ACSS3: variants seen among roughly 807,000 people sequenced by gnomAD.
ACSS3 encodes acyl-CoA synthetase short chain family member 3.
A neutral mutation model predicts 84.2 loss-of-function variants in ACSS3; 64 were observed. The ratio of observed to expected loss-of-function variants is 0.76; its 90% confidence interval spans 0.62 to 0.94. The LOEUF is 0.94. Ranked by LOEUF, ACSS3 falls within the 40% of genes least tolerant of loss-of-function variation. ACSS3 has a pLI of 0.00. For missense variants in ACSS3, 815 were observed against 867.6 expected (o/e 0.94, Z 0.76); for synonymous variants, 317 against 310.1 (o/e 1.02, Z -0.23).
chr12:81,168,083 A>G (rs1368778767), intron 7 of ACSS3, among the ~76,000 whole-genome samples: 1 of 152,208 alleles, frequency 6.6e-6, no homozygotes, highest in Non-Finnish European at 1.5e-5. Context: ...GAGTGGGGAA[A>G]GAAGACAGGT....
intron 1 of ACSS3, among the ~76,000 whole-genome samples, chr12:81,095,147 C>G (rs56402235): frequency 6.6e-6 from 1 of 152,132 alleles, no homozygotes; most frequent in East Asian, 1.9e-4. Flanking sequence ...TGGGGGCATT[C>G]TGGATTGTAG....
At chr12:81,237,769 GC>G (rs1450800564) in intron 13 of ACSS3, among the ~76,000 whole-genome samples, 1 of 151,648 alleles carries the variant, frequency 6.6e-6, no homozygotes, top group African/African-American at 2.4e-5. Flanking sequence ...CAGGTTGTTT[GC>G]AAACAAATAC....
intron 11 of ACSS3, among the ~76,000 whole-genome samples, chr12:81,229,155 TCCAATA>T (rs1158077617): frequency 1.3e-5 from 2 of 151,768 alleles, no homozygotes; most frequent in Non-Finnish European, 2.9e-5. Flanking sequence ...AGCAATAATT[TCCAATA>T]CCAATGTATA....
intron 2 of ACSS3, among the ~76,000 whole-genome samples, chr12:81,110,650 A>G (rs980813918): frequency 6.6e-6 from 1 of 152,216 alleles, no homozygotes. Flanking sequence ...TGCCATGTAC[A>G]TGGCACGACA....
At chr12:81,186,579 A>G (rs1480158586) in intron 8 of ACSS3, among the ~76,000 whole-genome samples, 1 of 151,892 alleles carries the variant, frequency 6.6e-6, no homozygotes, top group Non-Finnish European at 1.5e-5. Context: ...CAAAGAAGGC[A>G]TAAAAATAGC....
intron 5 of ACSS3, among the ~76,000 whole-genome samples, chr12:81,145,756 G>A (rs1886311192): frequency 6.6e-6 from 1 of 152,200 alleles, no homozygotes. Context: ...TCATCATGAT[G>A]TGTCTTCAGG....
intron 2 of ACSS3, among the ~76,000 whole-genome samples, chr12:81,111,946 C>T (rs1272093578): frequency 6.6e-6 from 1 of 152,086 alleles, no homozygotes; most frequent in South Asian, 2.1e-4. Context: ...TGCAATATAT[C>T]GTTTGGTATT....
intron 13 of ACSS3, among the ~76,000 whole-genome samples, chr12:81,246,229 T>C (rs778226357): frequency 1.3e-5 from 2 of 152,162 alleles, no homozygotes; most frequent in Admixed American, 6.5e-5. Context: ...CACACCTTAA[T>C]TGCTGACATT....
At chr12:81,220,657 A>G (rs540174379) in intron 11 of ACSS3, among the ~76,000 whole-genome samples, 1 of 152,112 alleles carries the variant, frequency 6.6e-6, no homozygotes, top group East Asian at 1.9e-4. Flanking sequence ...TGTACCCATT[A>G]TTTAGCTCTC....
Position 81,078,235 on chromosome 12 carries a change from G to A in ACSS3, c.115G>A (p.Val39Ile), listed in dbSNP as rs1029311562. 5 of 1,602,094 alleles carry A rather than the reference G, an allele frequency of 3.1e-6. No homozygotes were observed. Among genetic ancestry groups the A allele is most frequent in the East Asian group, 2.3e-5 (1 of 44,346 alleles). The part of the protein sequence containing the change: ...GAGAALRALV[V>I]PGPRGGLGGR... ...CGGTGCGGCCCTCAGGGCTTTAGTGGTCCCGGGCCCGCGGGGCGGTCTCGG... is the reference window on the plus strand; with the variant it reads ...CGGTGCGGCCCTCAGGGCTTTAGTGATCCCGGGCCCGCGGGGCGGTCTCGG... Residue 39 changes from valine (V) to isoleucine (I), a missense_variant, in exon 1 of 16, where the codon GTC (valine) becomes ATC (isoleucine). Physicochemically the swap from Val to Ile is conservative, Grantham distance 29 (BLOSUM62 3). Coordinates refer to ENST00000548058, the MANE Select transcript of ACSS3 (RefSeq NM_024560.4).
At chr12:81,244,836 A>G (rs1038506962) in intron 13 of ACSS3, among the ~76,000 whole-genome samples, 2 of 152,038 alleles carry the variant, frequency 1.3e-5, no homozygotes, top group Non-Finnish European at 2.9e-5. Flanking sequence ...AAAAAATATC[A>G]TGTTCAGATA....
chr12:81,213,583 TCCCCTCCC>T (rs1565723227), intron 9 of ACSS3, among the ~76,000 whole-genome samples: 3 of 23,060 alleles, frequency 1.3e-4, no homozygotes, highest in African/African-American at 4.0e-4. Flanking sequence ...TCTCCTCTCC[TCCCCTCCC>T]CTCCCCTCCC....
At chr12:81,248,710 G>T (rs1351594799) in intron 13 of ACSS3, among the ~76,000 whole-genome samples, 1 of 151,872 alleles carries the variant, frequency 6.6e-6, no homozygotes, top group Non-Finnish European at 1.5e-5. Context: ...TTAGGACTTG[G>T]AACGTTTTCA....
intron 8 of ACSS3, among the ~76,000 whole-genome samples, chr12:81,175,548 A>G (rs1397386927): frequency 6.6e-6 from 1 of 152,134 alleles, no homozygotes; most frequent in East Asian, 1.9e-4. Flanking sequence ...CCCAACAACA[A>G]CAGAATATTC....
At chr12:81,147,633 T>C (rs1886404058) in intron 5 of ACSS3, among the ~76,000 whole-genome samples, 1 of 152,126 alleles carries the variant, frequency 6.6e-6, no homozygotes, top group African/African-American at 2.4e-5. Flanking sequence ...GTGAAGACAT[T>C]GGAGTTCATC....
chr12:81,220,874 A>G (rs1240953025), intron 11 of ACSS3, among the ~76,000 whole-genome samples: 2 of 151,896 alleles, frequency 1.3e-5, no homozygotes, highest in African/African-American at 4.8e-5. Flanking sequence ...TTGAATTTTG[A>G]TGATTATAAA....
intron 7 of ACSS3, 63 bp from the exon 8 acceptor site, chr12:81,174,725 T>A: frequency 6.5e-7 from 1 of 1,527,002 alleles, no homozygotes; most frequent in Non-Finnish European, 9.0e-7. Flanking sequence ...TGTATAACTA[T>A]TGAACTGTCA....
intron 2 of ACSS3, among the ~76,000 whole-genome samples, chr12:81,129,482 G>A (rs1479074164): frequency 6.6e-6 from 1 of 152,034 alleles, no homozygotes; most frequent in African/African-American, 2.4e-5. Context: ...TAGAGAAACT[G>A]GAGATCTAGA....
intron 8 of ACSS3, among the ~76,000 whole-genome samples, chr12:81,196,402 T>G (rs1197499449): frequency 6.6e-6 from 1 of 152,228 alleles, no homozygotes; most frequent in Non-Finnish European, 1.5e-5. Flanking sequence ...TTTATATTCA[T>G]TGCATGTTGA....
Sources: allele counts gnomAD v4.1 joint callset (sites outside exome capture counted in the v4.1 genomes callset), GRCh38; gene constraint gnomAD v4.1.1; transcripts MANE v1.5; gene names NCBI Gene and HGNC (gene_info 2026-07-23, HGNC 2026-07-21).